The following ENO2 variants were observed in gnomAD, a reference collection of about 807,000 sequenced individuals.
ENO2 encodes the protein enolase 2.
Under a neutral mutation model 48.7 loss-of-function variants are expected in ENO2, and 19 were observed. The observed-to-expected ratio is 0.39, with a 90% CI of 0.27 to 0.57. The LOEUF is 0.57. ENO2 is among the 20% of genes least tolerant of loss of function. ENO2 has a pLI of 0.58. For synonymous variants in ENO2, 198 were observed against 213.4 expected, an observed-to-expected ratio of 0.93 and a Z score of 0.63; for missense variants, 416 against 555.0, an observed-to-expected ratio of 0.75 and a Z score of 2.52.
rs1945292050 is a variant in ENO2, at chr12:6,916,366, C to T, written c.86-51C>T. On this transcript the variant is annotated intron_variant, in intron 2 of 11. Transcript: ENST00000229277. The surrounding 1 kb of genome is among the most constrained non-coding windows in gnomAD (Gnocchi z 4.5). ...TTAGAGCCAGAAGGCTGAAGGACTC[C>T]CTGGCCCCTGTGTCCTCTTCACTCC... 1.3e-6 allele frequency: 2 copies of T among 1,558,796 alleles called. No homozygotes were observed. Among genetic ancestry groups the T allele is most frequent in the Middle Eastern group, 1.7e-4 (1 of 5,956 alleles).
intron 9 of ENO2, 131 bp downstream of exon 9, chr12:6,921,913 C>T: frequency 1.3e-6 from 2 of 1,481,850 alleles, no homozygotes; most frequent in African/African-American, 1.4e-5. Flanking sequence ...ACAGTTCTCT[C>T]ACCTCTGCCC....
At position 6,916,532 on chromosome 12, in the gene ENO2, C is replaced by T; in HGVS notation, c.181+20C>T. 1 of 1,613,670 alleles carries T rather than the reference C, an allele frequency of 6.2e-7. No homozygotes were observed. The highest frequency in any genetic ancestry group is 8.5e-7 in the Non-Finnish European group (1 of 1,179,750). ...GCAAAGGTGAGGTCCCTTCTCTTTTCCAGACTCTCCCCCACCTCAGCCTTA... is the reference window on the plus strand; with the variant it reads ...GCAAAGGTGAGGTCCCTTCTCTTTTTCAGACTCTCCCCCACCTCAGCCTTA... On this transcript the variant is annotated intron_variant, in intron 3 of 11. Transcript: ENST00000229277. The surrounding 1 kb of genome is among the most constrained non-coding windows in gnomAD (Gnocchi z 4.5).
chr12:6,922,422 G>A lies in ENO2; in HGVS notation c.1235+20G>A. 1 of 1,614,064 alleles carries A rather than the reference G, an allele frequency of 6.2e-7. No homozygotes were observed. The highest frequency in any genetic ancestry group is 8.5e-7 in the Non-Finnish European group (1 of 1,180,020). On this transcript the variant is annotated intron_variant, in intron 11 of 11. Transcript: ENST00000229277. The surrounding 1 kb of genome is among the most constrained non-coding windows in gnomAD (Gnocchi z 5.3). ...CATGAGGTGAGGGTCCCTGGGGTGG[G>A]AGCCCCTGGCCCAGATGGCTAAAGG...
At position 6,922,440 on chromosome 12, in the gene ENO2, G is replaced by T; in HGVS notation, c.1235+38G>T. On this transcript the variant is annotated intron_variant, in intron 11 of 11. Coordinates refer to ENST00000229277, the MANE Select transcript of ENO2 (RefSeq NM_001975.3). This position sits in a 1 kb window ranked among gnomAD's most constrained non-coding sequence, Gnocchi z 5.3. ...GGGGTGGGAGCCCCTGGCCCAGATG[G>T]CTAAAGGCCCCATTTGCCTGCCAGA... 6.2e-7 allele frequency: 1 copy of T among 1,613,314 alleles called. No individual in the cohort carries two copies. Among genetic ancestry groups the T allele is most frequent in the Non-Finnish European group, 8.5e-7 (1 of 1,179,462 alleles).
chr12:6,914,858 C>A lies in ENO2; in HGVS notation c.-13+199C>A, dbSNP rs111729235. Among the ~76,000 whole-genome samples, 50 of 152,160 alleles carry A rather than the reference C, an allele frequency of 3.3e-4. No homozygotes were observed. Among genetic ancestry groups the A allele is most frequent in the African/African-American group, 1.2e-3 (49 of 41,440 alleles). The stretch of plus-strand genomic sequence containing the variant: ...GCTGCCTTCGCTTTCTGGCCCTCTG[C>A]GCGCCTATCTCTAACTGCGCCTCTC... On this transcript the variant is annotated intron_variant, in intron 1 of 11. Transcript: ENST00000229277. The surrounding 1 kb of genome is among the most constrained non-coding windows in gnomAD (Gnocchi z 7.1).
At chr12:6,921,102 TAAGAATC>T (rs1945336932) in intron 8 of ENO2, among the ~76,000 whole-genome samples, 1 of 152,058 alleles carries the variant, frequency 6.6e-6, no homozygotes, top group Non-Finnish European at 1.5e-5. Flanking sequence ...TTTTATGAAA[TAAGAATC>T]AGGAGCCAGG....
intron 8 of ENO2, among the ~76,000 whole-genome samples, chr12:6,920,374 G>GA (rs1565559444): frequency 1.7e-5 from 1 of 58,284 alleles, no homozygotes; most frequent in African/African-American, 8.3e-5. Context: ...ATTTTTTTTG[G>GA]GGGGGGGGTG....
rs1555142118 is a variant in ENO2 at position 6,921,719 on chromosome 12, A to G, written c.1004A>G (p.Lys335Arg). The change falls in exon 9 of 12, where the codon AAG becomes AGG. Residue 335 changes from lysine to arginine, a missense_variant. Transcript: ENST00000229277. ...CGTATTGAGCGGGCAGTGGAAGAAA[A>G]GGCCTGCAACTGTCTGCTGCTCAAG... The part of the protein sequence containing the change: ...PKRIERAVEE[K>R]ACNCLLLKVN... 6.2e-7 allele frequency: 1 copy of G among 1,614,128 alleles called. No homozygotes were observed. Among genetic ancestry groups the G allele is most frequent in the East Asian group, 2.2e-5 (1 of 44,874 alleles).
chr12:6,922,036 A>G lies in ENO2; in HGVS notation c.1068-20A>G, dbSNP rs1945345710. 5 of 1,613,720 alleles carry G rather than the reference A, an allele frequency of 3.1e-6. No homozygotes were observed. The highest frequency in any genetic ancestry group is 4.5e-5 in the East Asian group (2 of 44,866). On this transcript the variant is annotated intron_variant, in intron 9 of 11. Transcript: ENST00000229277. This position sits in a 1 kb window ranked among gnomAD's most constrained non-coding sequence, Gnocchi z 5.3. ...TGCCCAGTGTGAGAGCTGGAGAATC[A>G]GTGCTGTGTGTGGATACAGGTGCAA...
In ENO2 at chr12:6,922,041, T is replaced by A; in HGVS notation, c.1068-15T>A. The stretch of plus-strand genomic sequence containing the variant: ...AGTGTGAGAGCTGGAGAATCAGTGC[T>A]GTGTGTGGATACAGGTGCAAGCTGG... On this transcript the variant is annotated splice_polypyrimidine_tract_variant and intron_variant, in intron 9 of 11. Transcript: ENST00000229277. The surrounding 1 kb of genome is among the most constrained non-coding windows in gnomAD (Gnocchi z 5.3). 5.6e-6 allele frequency: 9 copies of A among 1,613,962 alleles called. No homozygotes were observed. Among genetic ancestry groups the A allele is most frequent in the Non-Finnish European group, 7.6e-6 (9 of 1,179,886 alleles).
In ENO2 at chr12:6,916,851, G is replaced by A; in HGVS notation, c.240+122G>A. The A allele has an allele frequency of 7.0e-7, 1 of 1,438,222 alleles. No individual in the cohort carries two copies. Among genetic ancestry groups the A allele is most frequent in the Non-Finnish European group, 9.6e-7 (1 of 1,046,748 alleles). 89.1% of individuals were successfully genotyped at this position (1,438,222 alleles called of 1,614,324 possible). ...GGAATCATGGTTACAAGGGGGAAGG[G>A]TGGGGAACAGCTTCCTTAATGCACC... On this transcript the variant is annotated intron_variant, in intron 4 of 11. Coordinates refer to ENST00000229277, the MANE Select transcript of ENO2 (RefSeq NM_001975.3). The surrounding 1 kb of genome is among the most constrained non-coding windows in gnomAD (Gnocchi z 4.5).
intron 8 of ENO2, among the ~76,000 whole-genome samples, chr12:6,921,193 G>GCC (rs1945337788): frequency 6.6e-6 from 1 of 152,120 alleles, no homozygotes; most frequent in African/African-American, 2.4e-5. Context: ...CCAGGAGTTC[G>GCC]AGACTGGCCT....
At position 6,915,895 on chromosome 12, in the gene ENO2, G is replaced by C. The variant is rs1945286289; in HGVS notation, c.63G>C (p.Glu21Asp). The C allele has an allele frequency of 6.2e-7, 1 of 1,614,128 alleles. No homozygotes were observed. Among genetic ancestry groups the C allele is most frequent in the Non-Finnish European group, 8.5e-7 (1 of 1,179,988 alleles). Residue 21 changes from glutamate (E) to aspartate (D), a missense_variant, in exon 2 of 12, where the codon GAG becomes GAC. Glu to Asp is a conservative substitution (Grantham distance 45). Coordinates refer to ENST00000229277, the MANE Select transcript of ENO2 (RefSeq NM_001975.3). The stretch of plus-strand genomic sequence containing the variant: ...ACTCCCGCGGGAACCCCACAGTGGA[G>C]GTGGATCTCTATACTGCCAAAGGTA... The part of the protein sequence containing the change: ...ILDSRGNPTV[E>D]VDLYTAKGLF...
In ENO2 at chr12:6,917,928, G is replaced by A. The variant is rs782274864; in HGVS notation, c.445-12G>A. 7.4e-6 allele frequency: 12 copies of A among 1,613,684 alleles called. No individual in the cohort carries two copies. The highest frequency in any genetic ancestry group is 9.3e-6 in the Non-Finnish European group (11 of 1,179,940). On this transcript the variant is annotated splice_polypyrimidine_tract_variant and intron_variant, in intron 6 of 11. Coordinates refer to ENST00000229277, the MANE Select transcript of ENO2 (RefSeq NM_001975.3). ...GGCTCTTTGACCCTTCTGTCTTTCT[G>A]TGGCTCCCCAGGCCTTCAACGTGAT...
rs1945350405 is a variant in ENO2, at chr12:6,922,585, C to T, written c.1236-146C>T. The T allele has an allele frequency of 7.9e-7, 1 of 1,259,996 alleles. No individual in the cohort carries two copies. Among genetic ancestry groups the T allele is most frequent in the Admixed American group, 1.8e-5 (1 of 55,930 alleles). 78.1% of individuals were successfully genotyped at this position (1,259,996 alleles called of 1,614,324 possible). On this transcript the variant is annotated intron_variant, in intron 11 of 11. Transcript: ENST00000229277. The surrounding 1 kb of genome is among the most constrained non-coding windows in gnomAD (Gnocchi z 5.3). ...CCTGATTGACAAATCCCAGAGATCA[C>T]ATGGGAAAGCCAGGGAATGCTAAGC...
chr12:6,922,570 A>G lies in ENO2; in HGVS notation c.1236-161A>G, dbSNP rs868978029. On this transcript the variant is annotated intron_variant, in intron 11 of 11. Transcript: ENST00000229277. The surrounding 1 kb of genome is among the most constrained non-coding windows in gnomAD (Gnocchi z 5.3). ...TGGGTTTATTGATGGCCTGATTGAC[A>G]AATCCCAGAGATCACATGGGAAAGC... 6.6e-6 allele frequency among the ~76,000 whole-genome samples: 1 copy of G among 152,204 alleles called. No individual in the cohort carries two copies. Among genetic ancestry groups the G allele is most frequent in the Admixed American group, 6.5e-5 (1 of 15,280 alleles).
At chr12:6,919,520 C>G (rs1555141917) in intron 7 of ENO2, 46 bp from the exon 8 acceptor site, 2 of 1,602,580 alleles carry the variant, frequency 1.2e-6, no homozygotes, top group South Asian at 2.2e-5. Context: ...TCCTCCTTGC[C>G]CATCCCTCCT....
At chr12:6,921,881 C>T (rs782577118) in intron 9 of ENO2, 99 bp downstream of exon 9, 24 of 1,530,226 alleles carry the variant, frequency 1.6e-5, no homozygotes, top group African/African-American at 4.1e-5. Context: ...CCAAAGAGAG[C>T]GGGGAACCTG....
chr12:6,915,873 C>T lies in ENO2; in HGVS notation c.41C>T (p.Ser14Phe). ...EKIWAREILDSRGNPTVEVDL... is the reference protein window; with the variant it reads ...EKIWAREILDFRGNPTVEVDL... ...ATCTGGGCCCGGGAGATCCTGGACT[C>T]CCGCGGGAACCCCACAGTGGAGGTG... The change falls in exon 2 of 12, where the codon TCC becomes TTC. Residue 14 changes from serine (S) to phenylalanine (F), a missense_variant. Physicochemically the swap from Ser to Phe is radical, Grantham distance 155. Coordinates refer to ENST00000229277, the MANE Select transcript of ENO2 (RefSeq NM_001975.3). 6.2e-7 allele frequency: 1 copy of T among 1,613,966 alleles called. No individual in the cohort carries two copies. The highest frequency in any genetic ancestry group is 8.5e-7 in the Non-Finnish European group (1 of 1,179,928).
Sources: gnomAD v4.1 joint callset for allele counts (sites outside exome capture counted in the v4.1 genomes callset) on GRCh38, gnomAD v4.1.1 for gene constraint, Gnocchi (gnomAD v3.1) non-coding constraint, MANE v1.5 for transcripts, NCBI Gene and HGNC (gene_info 2026-07-23, HGNC 2026-07-21) for gene names.